The following HCN1 variants were observed in gnomAD, a reference collection of about 807,000 sequenced individuals.
HCN1 encodes the protein potassium/sodium hyperpolarization-activated cyclic nucleotide-gated channel 1.
In HCN1, 13 loss-of-function variants were observed where a neutral mutation model predicts 78.9. That is an observed-to-expected ratio of 0.16 (90% CI 0.11 to 0.26). The LOEUF is 0.26. Among genes scored for constraint, HCN1 ranks in the 10% least tolerant of loss-of-function variants. The pLI is 1.00. For missense variants in HCN1, 810 were observed against 1,154.3 expected, an observed-to-expected ratio of 0.70 and a Z score of 4.32; for synonymous variants, 552 against 455.5, an observed-to-expected ratio of 1.21 and a Z score of -2.70.
At chr5:45,485,579 C>T (rs1355463084) in intron 2 of HCN1, among the ~76,000 whole-genome samples, 1 of 152,002 alleles carries the variant, frequency 6.6e-6, no homozygotes, top group African/African-American at 2.4e-5. Flanking sequence ...ATACTCATGG[C>T]TTATAATTTA....
At chr5:45,593,899 C>T (rs1025386560) in intron 2 of HCN1, among the ~76,000 whole-genome samples, 2 of 152,068 alleles carry the variant, frequency 1.3e-5, no homozygotes, top group Non-Finnish European at 2.9e-5. Flanking sequence ...TAGTCCCAAA[C>T]TCCTGACTTC....
intron 2 of HCN1, among the ~76,000 whole-genome samples, chr5:45,536,396 G>A (rs1237116814): frequency 1.3e-5 from 2 of 151,894 alleles, no homozygotes; most frequent in Non-Finnish European, 2.9e-5. Flanking sequence ...TCTTTCACAT[G>A]AGAAAAGTTC....
chr5:45,259,458 C>T lies in HCN1; in HGVS notation c.*2463G>A, dbSNP rs1219046410. Reference sequence around the variant, plus strand: ...ATTAAAACTCCATACATACGGGCTTCACTATGTACAGAGAAAAGAGGTCAC... The same window carrying T: ...ATTAAAACTCCATACATACGGGCTTTACTATGTACAGAGAAAAGAGGTCAC... On this transcript the variant is annotated 3_prime_UTR_variant, in exon 8 of 8. Coordinates refer to ENST00000303230, the MANE Select transcript of HCN1 (RefSeq NM_021072.4). The T allele has an allele frequency of 6.6e-6, 1 of 152,252 alleles. No individual in the cohort carries two copies. The highest frequency in any genetic ancestry group is 1.5e-5 in the Non-Finnish European group (1 of 67,892). 9.4% of individuals were successfully genotyped at this position (152,252 alleles called of 1,614,324 possible).
intron 6 of HCN1, among the ~76,000 whole-genome samples, chr5:45,270,193 T>C (rs1406638493): frequency 6.6e-6 from 1 of 152,198 alleles, no homozygotes; most frequent in African/African-American, 2.4e-5. Context: ...ATCCAAAGTT[T>C]GGGGAGACAG....
chr5:45,686,126 T>G (rs1739804559), intron 1 of HCN1, among the ~76,000 whole-genome samples: 1 of 151,530 alleles, frequency 6.6e-6, no homozygotes, highest in African/African-American at 2.4e-5. Flanking sequence ...TATATATATT[T>G]TTTTCTATTA....
intron 6 of HCN1, among the ~76,000 whole-genome samples, chr5:45,292,863 C>T (rs1195861733): frequency 6.6e-6 from 1 of 151,950 alleles, no homozygotes; most frequent in Non-Finnish European, 1.5e-5. Context: ...GAGTGTTGTT[C>T]ACACACTGTG....
chr5:45,654,223 G>T (rs1295050554), intron 1 of HCN1, among the ~76,000 whole-genome samples: 1 of 151,984 alleles, frequency 6.6e-6, no homozygotes, highest in Non-Finnish European at 1.5e-5. Context: ...TTTATTAAAG[G>T]ATACAGACCG....
chr5:45,573,339 A>G (rs1205290653), intron 2 of HCN1, among the ~76,000 whole-genome samples: 1 of 152,112 alleles, frequency 6.6e-6, no homozygotes, highest in Non-Finnish European at 1.5e-5. Context: ...CAGGCTGACT[A>G]AGGTATTGTC....
Position 45,677,833 on chromosome 5 carries a change from T to C in HCN1, c.425+17836A>G, listed in dbSNP as rs551743897. ...TTTACATTAAAATGTTTTGAGCATG[T>C]TTCTTATAGAGAAAGAATTTACATT... On this transcript the variant is annotated intron_variant, in intron 1 of 7. Coordinates refer to ENST00000303230, the MANE Select transcript of HCN1 (RefSeq NM_021072.4). Among the ~76,000 whole-genome samples the C allele has an allele frequency of 6.7e-4, 102 of 152,054 alleles. 1 individual carries two copies. The highest frequency in any genetic ancestry group is 2.3e-3 in the African/African-American group (95 of 41,536).
intron 3 of HCN1, among the ~76,000 whole-genome samples, chr5:45,424,165 C>T (rs1254054877): frequency 1.3e-5 from 2 of 149,188 alleles, no homozygotes; most frequent in South Asian, 2.1e-4. Context: ...TGGTGGCGGG[C>T]ACCTGTAGTC....
intron 2 of HCN1, chr5:45,642,016 C>T (rs971983633): frequency 1.1e-4 from 17 of 152,214 alleles, no homozygotes; most frequent in African/African-American, 2.4e-4. Flanking sequence ...ATAACAACAA[C>T]GACAATGCTG....
chr5:45,313,982 G>A (rs1745917526), intron 5 of HCN1, among the ~76,000 whole-genome samples: 1 of 152,098 alleles, frequency 6.6e-6, no homozygotes, highest in African/African-American at 2.4e-5. Flanking sequence ...ACCTAGCAAG[G>A]CAGGCCAACA....
chr5:45,576,132 T>A (rs1383674354), intron 2 of HCN1: 2 of 152,030 alleles, frequency 1.3e-5, no homozygotes. Context: ...TAACTGCAGA[T>A]GTGTTGGAAA....
intron 2 of HCN1, among the ~76,000 whole-genome samples, chr5:45,511,719 T>A (rs1181542605): frequency 6.6e-6 from 1 of 151,946 alleles, no homozygotes; most frequent in East Asian, 1.9e-4. Context: ...ACATGAGGAC[T>A]TAATGTAATG....
chr5:45,570,372 T>C (rs1230079467), intron 2 of HCN1, among the ~76,000 whole-genome samples: 1 of 152,130 alleles, frequency 6.6e-6, no homozygotes, highest in African/African-American at 2.4e-5. Flanking sequence ...ACATTTCTTT[T>C]TTCACCTTAT....
At chr5:45,342,281 A>T (rs1587562) in intron 5 of HCN1, among the ~76,000 whole-genome samples, 150,510 of 150,818 alleles carry the variant, frequency 1, 75,101 homozygotes, top group East Asian at 1. Context: ...TCACTGAGGC[A>T]GCAGTGCAGT....
intron 2 of HCN1, among the ~76,000 whole-genome samples, chr5:45,590,214 T>G (rs531526194): frequency 1.3e-5 from 2 of 152,282 alleles, no homozygotes; most frequent in South Asian, 4.1e-4. Context: ...AAAAGTTCAT[T>G]CCATAAAATA....
chr5:45,478,723 T>C (rs749806394), intron 2 of HCN1, among the ~76,000 whole-genome samples: 8 of 152,048 alleles, frequency 5.3e-5, no homozygotes, highest in Non-Finnish European at 1.2e-4. Flanking sequence ...CAGAGAAATA[T>C]AATGTGTGTG....
chr5:45,321,625 C>A (rs1398621570), intron 5 of HCN1, among the ~76,000 whole-genome samples: 1 of 150,116 alleles, frequency 6.7e-6, no homozygotes, highest in Non-Finnish European at 1.5e-5. Context: ...AGACTAATAC[C>A]TATTTTTTTT....
Sources: gnomAD v4.1 joint callset for allele counts (sites outside exome capture counted in the v4.1 genomes callset) on GRCh38, gnomAD v4.1.1 for gene constraint, MANE v1.5 for transcripts, NCBI Gene and HGNC (gene_info 2026-07-23, HGNC 2026-07-21) for gene names.